Variants in ZFPM2 observed in about 807,000 individuals in gnomAD.
ZFPM2 encodes zinc finger protein ZFPM2.
ZFPM2 carries 20 observed loss-of-function variants against 98.6 expected under a neutral mutation model. The observed-to-expected ratio is 0.20, with a 90% CI of 0.14 to 0.29. The LOEUF (loss-of-function observed/expected upper bound fraction) is 0.29, where lower values mean the gene tolerates loss of function less well. Ranked by LOEUF, ZFPM2 falls within the 10% of genes least tolerant of loss-of-function variation. ZFPM2 has a pLI of 1.00. For missense variants in ZFPM2, 1,310 were observed against 1,388.6 expected (o/e 0.94, Z 0.90); for synonymous variants, 518 against 502.7 (o/e 1.03, Z -0.41).
At chr8:105,482,220 T>C (rs1193352940) in intron 3 of ZFPM2, among the ~76,000 whole-genome samples, 1 of 152,220 alleles carries the variant, frequency 6.6e-6, no homozygotes, top group Non-Finnish European at 1.5e-5. Flanking sequence ...TAGTGAATTA[T>C]TAATTCAATA....
intron 5 of ZFPM2, among the ~76,000 whole-genome samples, chr8:105,774,296 T>C (rs556669320): frequency 1.3e-5 from 2 of 152,256 alleles, no homozygotes; most frequent in South Asian, 4.1e-4. Flanking sequence ...ATGCAGAATC[T>C]CTTAGAAAAA....
chr8:105,502,571 A>C (rs981705694), intron 3 of ZFPM2, among the ~76,000 whole-genome samples: 1 of 152,228 alleles, frequency 6.6e-6, no homozygotes, highest in African/African-American at 2.4e-5. Context: ...TACTAGAGCA[A>C]ATCGTCAAAC....
intron 5 of ZFPM2, among the ~76,000 whole-genome samples, chr8:105,649,241 CTT>C (rs1374741204): frequency 1.3e-5 from 2 of 152,170 alleles, no homozygotes; most frequent in Non-Finnish European, 2.9e-5. Flanking sequence ...TATCCTGAGA[CTT>C]TGCTGAAGTT....
intron 3 of ZFPM2, among the ~76,000 whole-genome samples, chr8:105,476,257 G>C (rs1404725675): frequency 1.3e-5 from 2 of 152,166 alleles, no homozygotes; most frequent in Non-Finnish European, 2.9e-5. Context: ...GGCCTGTTAG[G>C]AGCCGGGCTG....
chr8:105,446,933 G>T (rs1046201526), intron 3 of ZFPM2, among the ~76,000 whole-genome samples: 1 of 151,976 alleles, frequency 6.6e-6, no homozygotes, highest in East Asian at 1.9e-4. Context: ...AGAAAGTAGG[G>T]GGTATTTCGT....
intron 5 of ZFPM2, among the ~76,000 whole-genome samples, chr8:105,674,995 C>T (rs1299033108): frequency 6.6e-6 from 1 of 152,080 alleles, no homozygotes; most frequent in Non-Finnish European, 1.5e-5. Context: ...TGATATTTTC[C>T]ACTTGACAAA....
chr8:105,711,750 A>T (rs1188462338), intron 5 of ZFPM2, among the ~76,000 whole-genome samples: 1 of 152,006 alleles, frequency 6.6e-6, no homozygotes, highest in Admixed American at 6.6e-5. Context: ...AATAGTACAT[A>T]TGCTCCGAAG....
chr8:105,465,207 A>T (rs1554607665), intron 3 of ZFPM2, among the ~76,000 whole-genome samples: 1 of 152,026 alleles, frequency 6.6e-6, no homozygotes, highest in Admixed American at 6.6e-5. Flanking sequence ...TAAAGGAAAA[A>T]CATGAGAATA....
rs139493838 is a variant in ZFPM2 at position 105,601,419 on chromosome 8, A to G, written c.421-32827A>G. ...TAATTAACTGGATTTGGACATGTCT[A>G]TTCATGGTCAAACTTAGCTAAAATG... is the stretch of plus-strand genomic sequence containing the variant. On this transcript the variant is annotated intron_variant, in intron 4 of 7. Transcript: ENST00000407775. Among the ~76,000 whole-genome samples, 1,349 of 152,144 alleles carry G rather than the reference A, an allele frequency of 8.9e-3. 22 individuals carry two copies. Among genetic ancestry groups the G allele is most frequent in the African/African-American group, 0.031 (1,278 of 41,524 alleles).
At chr8:105,578,858 G>A (rs376260123) in intron 4 of ZFPM2, among the ~76,000 whole-genome samples, 3 of 152,064 alleles carry the variant, frequency 2.0e-5, no homozygotes, top group East Asian at 3.9e-4. Context: ...ATAAAAGAGA[G>A]GTACCTTCAT....
intron 4 of ZFPM2, among the ~76,000 whole-genome samples, chr8:105,604,111 C>G (rs1318303234): frequency 6.6e-6 from 1 of 152,004 alleles, no homozygotes; most frequent in African/African-American, 2.4e-5. Context: ...ATTTGGAAAT[C>G]AGAACTCCAA....
chr8:105,565,857 A>G (rs1815232939), intron 4 of ZFPM2, among the ~76,000 whole-genome samples: 1 of 152,118 alleles, frequency 6.6e-6, no homozygotes, highest in Admixed American at 6.6e-5. Context: ...CTGTCTTAGG[A>G]TTCTCCAGAG....
At chr8:105,419,326 A>C in intron 2 of ZFPM2, 24 bp downstream of exon 2, 1 of 1,608,358 alleles carries the variant, frequency 6.2e-7, no homozygotes, top group Non-Finnish European at 8.5e-7. Context: ...GTTGGATGTA[A>C]TATGTGAGTC....
chr8:105,590,065 T>C (rs1424336130), intron 4 of ZFPM2, among the ~76,000 whole-genome samples: 8 of 152,192 alleles, frequency 5.3e-5, no homozygotes, highest in South Asian at 4.1e-4. Flanking sequence ...CTGCATATGC[T>C]ATCTTCCCCT....
chr8:105,408,624 A>G (rs951189598), intron 1 of ZFPM2, among the ~76,000 whole-genome samples: 2 of 151,954 alleles, frequency 1.3e-5, no homozygotes, highest in African/African-American at 4.8e-5. Flanking sequence ...GAATTTGTAT[A>G]AAGTTTGTAT....
intron 5 of ZFPM2, among the ~76,000 whole-genome samples, chr8:105,696,234 G>C (rs1811014491): frequency 6.6e-6 from 1 of 152,152 alleles, no homozygotes; most frequent in African/African-American, 2.4e-5. Context: ...TGTAGGAATA[G>C]GTCTAGCTAA....
rs763306824 is a variant in ZFPM2, at chr8:105,802,761, A to C, written c.2679A>C (p.Lys893Asn). The C allele has an allele frequency of 1.2e-6, 2 of 1,613,494 alleles. No homozygotes were observed. Among genetic ancestry groups the C allele is most frequent in the Admixed American group, 3.3e-5 (2 of 59,942 alleles). Residue 893 changes from lysine (K) to asparagine (N), a missense_variant, in exon 8 of 8, where the codon AAA becomes AAC. Lys to Asn is a moderately conservative substitution (Grantham distance 94). Coordinates refer to ENST00000407775, the MANE Select transcript of ZFPM2 (RefSeq NM_012082.4). ...QRNDLGQLDGKVFPNPESERN... is the reference protein window; with the variant it reads ...QRNDLGQLDGNVFPNPESERN... ...ATGACCTGGGTCAACTGGACGGCAA[A>C]GTGTTTCCGAATCCAGAAAGCGAAC...
chr8:105,413,512 A>C (rs1811620423), intron 1 of ZFPM2, among the ~76,000 whole-genome samples: 1 of 149,190 alleles, frequency 6.7e-6, no homozygotes, highest in East Asian at 2.0e-4. Context: ...ATATATACAC[A>C]CACACACGCA....
intron 3 of ZFPM2, among the ~76,000 whole-genome samples, chr8:105,520,670 C>A (rs1030767027): frequency 6.6e-6 from 1 of 151,700 alleles, no homozygotes; most frequent in African/African-American, 2.4e-5. Context: ...AGGAACAAAG[C>A]GTTCCAGTGA....
Sources: allele counts gnomAD v4.1 joint callset (sites outside exome capture counted in the v4.1 genomes callset), GRCh38; gene constraint gnomAD v4.1.1; transcripts MANE v1.5; gene names NCBI Gene and HGNC (gene_info 2026-07-23, HGNC 2026-07-21).